Variants in PSRC1 observed in about 807,000 individuals in gnomAD.
PSRC1 encodes proline/serine-rich coiled-coil protein 1.
In PSRC1, 30 loss-of-function variants were observed where a neutral mutation model predicts 31.9. The ratio of observed to expected loss-of-function variants is 0.94; its 90% confidence interval spans 0.70 to 1.28. The LOEUF is 1.28. Ranked by LOEUF, PSRC1 falls within the 50% of genes most tolerant of loss-of-function variation. The probability of loss-of-function intolerance (pLI) is 0.00; values close to 1 mark genes in which losing one functional copy is unlikely to be tolerated. For missense variants in PSRC1, 481 were observed against 472.8 expected, an observed-to-expected ratio of 1.02 and a Z score of -0.16; for synonymous variants, 191 against 192.1, an observed-to-expected ratio of 0.99 and a Z score of 0.05.
At chr1:109,280,640 A>G (rs972671885) in intron 5 of PSRC1, 137 bp downstream of exon 6, 19 of 966,598 alleles carry the variant, frequency 2.0e-5, no homozygotes, top group Non-Finnish European at 2.9e-5. Flanking sequence ...GTCCAGCCCC[A>G]TATCCTCTCT....
At chr1:109,282,605 C>T in intron 2 of PSRC1, 30 bp from the exon 3 acceptor site, 1 of 1,612,574 alleles carries the variant, frequency 6.2e-7, no homozygotes, top group African/African-American at 1.3e-5. Context: ...GAAAGCCAGT[C>T]ATGGGTCCCT....
At position 109,281,136 on chromosome 1, in the gene PSRC1, C is replaced by A; in HGVS notation, c.635G>T (p.Ser212Ile). 3 of 1,613,692 alleles carry A rather than the reference C, an allele frequency of 1.9e-6. No individual in the cohort carries two copies. The highest frequency in any genetic ancestry group is 2.5e-6 in the Non-Finnish European group (3 of 1,179,848). ...CAACTTGGCTGCTCTGGTCTCCTCACTGGCTGCTGCTCTCCCACTGGGCCC... is the reference window on the plus strand; with the variant it reads ...CAACTTGGCTGCTCTGGTCTCCTCAATGGCTGCTGCTCTCCCACTGGGCCC... Residue 212 changes from serine to isoleucine, a missense_variant, in exon 5 of 7, where the codon AGT becomes ATT. Transcript: ENST00000409138.
exon 5 of PSRC1, chr1:109,281,097 C>T (rs377659117): frequency 3.2e-5 from 52 of 1,613,312 alleles, no homozygotes; most frequent in Non-Finnish European, 4.4e-5. Flanking sequence ...AAACTCCCCA[C>T]TCCCACTCAC....
chr1:109,281,937 G>T, exon 4 of PSRC1: 1 of 1,586,066 alleles, frequency 6.3e-7, no homozygotes, highest in Non-Finnish European at 8.6e-7. Flanking sequence ...GACTGAGGGG[G>T]CCTAGGCTGA....
exon 4 of PSRC1, chr1:109,281,938 C>T (rs774324688): frequency 2.5e-6 from 4 of 1,585,384 alleles, no homozygotes; most frequent in South Asian, 2.3e-5. Flanking sequence ...ACTGAGGGGG[C>T]CTAGGCTGAG....
In PSRC1 at chr1:109,279,974, C is replaced by G. The variant is rs1184744920; in HGVS notation, c.*179G>C. ...CAGAGAGTTTAAGTCTTCTCCAGCT[C>G]AATCCTAATCCACCCCATTTCCCAT... On this transcript the variant is annotated 3_prime_UTR_variant, in exon 7 of 7. Transcript: ENST00000409138. 5.3e-6 allele frequency: 4 copies of G among 759,296 alleles called. No individual in the cohort carries two copies. The African/African-American group carries it at 6.9e-5, about 13-fold the overall frequency. 47.0% of individuals were successfully genotyped at this position (759,296 alleles called of 1,614,324 possible). A position where few individuals can be genotyped will look rare whatever the true frequency, so the allele number is the denominator to read the frequency against.
chr1:109,281,275 A>G (rs753990157), intron 4 of PSRC1, 24 bp from the exon 5 acceptor site: 1 of 1,528,166 alleles, frequency 6.5e-7, no homozygotes, highest in South Asian at 1.2e-5. Context: ...AGAGAGAGAA[A>G]AAAGACTAGA....
Position 109,280,163 on chromosome 1 carries a change from A to G in PSRC1, c.1089-7T>C. On this transcript the variant is annotated splice_region_variant and splice_polypyrimidine_tract_variant and intron_variant, in intron 6 of 6. Coordinates refer to ENST00000409138, the Ensembl canonical transcript of PSRC1. ...GCTGTCCTGATCTCTTTACCTAAAG[A>G]AATAGAAGGAATAACTGCTTTAAAA... 2 of 1,613,506 alleles carry G rather than the reference A, an allele frequency of 1.2e-6. No individual in the cohort carries two copies. Among genetic ancestry groups the G allele is most frequent in the Non-Finnish European group, 8.5e-7 (1 of 1,179,948 alleles).
At chr1:109,280,626 C>T (rs1208755241) in intron 5 of PSRC1, 137 bp from the exon 7 acceptor site, 1 of 955,028 alleles carries the variant, frequency 1.0e-6, no homozygotes, top group Non-Finnish European at 1.6e-6. Flanking sequence ...AAGACTCAGA[C>T]TCTGTCCAGC....
At chr1:109,280,408 G>A in exon 6 of PSRC1, 1 of 1,611,616 alleles carries the variant, frequency 6.2e-7, no homozygotes, top group Middle Eastern at 1.7e-4. Flanking sequence ...GGTAGGTCCT[G>A]GGACTGCCAC....
In PSRC1 at chr1:109,280,768, A is replaced by G. The variant is rs774521035; in HGVS notation, c.994+9T>C. Reference sequence around the variant, plus strand: ...GCAAGGGCGGGCATTCTTCCTCCTGACCTCTTACCCTTGTGTCCACTTTCC... The same window carrying G: ...GCAAGGGCGGGCATTCTTCCTCCTGGCCTCTTACCCTTGTGTCCACTTTCC... On this transcript the variant is annotated intron_variant, in intron 5 of 6. Coordinates refer to ENST00000409138, the Ensembl canonical transcript of PSRC1. The G allele has an allele frequency of 6.4e-7, 1 of 1,550,624 alleles. No individual in the cohort carries two copies. The highest frequency in any genetic ancestry group is 1.2e-5 in the South Asian group (1 of 82,870).
chr1:109,283,106 C>CCCTGAAATCACTTTTAAT, exon 1 of PSRC1: 1 of 271,706 alleles, frequency 3.7e-6, no homozygotes, highest in South Asian at 5.7e-5. Context: ...CCTTATCTTC[C>CCCTGAAATCACTTTTAAT]ACGCAACAGG....
At chr1:109,282,463 T>C in intron 3 of PSRC1, 55 bp downstream of exon 3, 1 of 1,523,740 alleles carries the variant, frequency 6.6e-7, no homozygotes, top group East Asian at 2.3e-5. Context: ...CAGTAAGGGA[T>C]TCGAGACAAA....
chr1:109,282,712 G>A, exon 2 of PSRC1: 1 of 1,551,650 alleles, frequency 6.4e-7, no homozygotes, highest in Non-Finnish European at 8.7e-7. Context: ...CAGCCAGCAG[G>A]AGCGAGAGTC....
At chr1:109,282,783 C>A in intron 1 of PSRC1, 47 bp from the exon 2 acceptor site, 1 of 1,540,960 alleles carries the variant, frequency 6.5e-7, no homozygotes, top group Non-Finnish European at 8.8e-7. Flanking sequence ...CTGCCCAAGG[C>A]TCGCAGCTAG....
exon 5 of PSRC1, chr1:109,280,938 G>A (rs1656974180): frequency 1.9e-6 from 3 of 1,613,836 alleles, no homozygotes; most frequent in Non-Finnish European, 2.5e-6. Flanking sequence ...CGAGGGAATG[G>A]GCAGTTGACT....
intron 5 of PSRC1, 53 bp from the exon 7 acceptor site, chr1:109,280,542 G>T: frequency 1.4e-6 from 2 of 1,432,056 alleles, no homozygotes; most frequent in East Asian, 2.3e-5. Flanking sequence ...AACTGACCTC[G>T]AAAAGAAATA....
exon 5 of PSRC1, chr1:109,281,229 A>T: frequency 6.2e-7 from 1 of 1,603,634 alleles, no homozygotes; most frequent in Non-Finnish European, 8.5e-7. Context: ...GGATGCAGGG[A>T]ACAGATTGCA....
chr1:109,282,730 A>T (rs1412008809), exon 2 of PSRC1: 37 of 1,550,028 alleles, frequency 2.4e-5, no homozygotes, highest in Non-Finnish European at 3.0e-5. Context: ...GTCCAGTTAG[A>T]TCTGAGCTGG....
Sources: allele counts gnomAD v4.1 joint callset, GRCh38; gene constraint gnomAD v4.1.1; transcripts MANE v1.5; gene names NCBI Gene and HGNC (gene_info 2026-07-23, HGNC 2026-07-21).